The following CFAP54 variants were observed in gnomAD, a reference collection of about 807,000 sequenced individuals.
CFAP54 encodes the protein cilia- and flagella-associated protein 54.
A neutral mutation model predicts 370.4 loss-of-function variants in CFAP54; 290 were observed. The observed-to-expected ratio is 0.78, with a 90% CI of 0.71 to 0.86. The LOEUF (loss-of-function observed/expected upper bound fraction) is 0.86. Ranked by LOEUF, CFAP54 falls within the 40% of genes least tolerant of loss-of-function variation. CFAP54 has a pLI of 0.00. For synonymous variants in CFAP54, 1,206 were observed against 1,236.5 expected, an observed-to-expected ratio of 0.98 and a Z score of 0.52; for missense variants, 3,399 against 3,528.7, an observed-to-expected ratio of 0.96 and a Z score of 0.93.
At chr12:96,648,334 G>T (rs1271854944) in intron 34 of CFAP54, among the ~76,000 whole-genome samples, 1 of 152,148 alleles carries the variant, frequency 6.6e-6, no homozygotes, top group Non-Finnish European at 1.5e-5. Flanking sequence ...GATAGGTGAA[G>T]ACTTGCTATT....
intron 6 of CFAP54, among the ~76,000 whole-genome samples, chr12:96,520,424 G>T (rs900533646): frequency 6.6e-6 from 1 of 151,986 alleles, no homozygotes; most frequent in Non-Finnish European, 1.5e-5. Context: ...TGCACCTGTA[G>T]TCCCAGCTAC....
At chr12:96,573,049 A>G (rs1003641598) in intron 19 of CFAP54, 2 of 985,176 alleles carry the variant, frequency 2.0e-6, no homozygotes, top group African/African-American at 3.5e-5. Flanking sequence ...GTGGAGATGG[A>G]GGTCAAAGGC....
At chr12:96,719,067 T>G (rs1957718685) in intron 49 of CFAP54, among the ~76,000 whole-genome samples, 1 of 152,048 alleles carries the variant, frequency 6.6e-6, no homozygotes, top group South Asian at 2.1e-4. Flanking sequence ...GAAACATGAT[T>G]CATTATTTGG....
At chr12:96,630,039 G>A (rs1185408211) in intron 30 of CFAP54, 54 bp from the exon 31 acceptor site, 1 of 794,950 alleles carries the variant, frequency 1.3e-6, no homozygotes, top group Non-Finnish European at 1.9e-6. Context: ...TTACTTTGGG[G>A]TAGTTCTGCA....
At chr12:96,491,675 CTG>C (rs1212382100) in intron 1 of CFAP54, among the ~76,000 whole-genome samples, 1 of 152,162 alleles carries the variant, frequency 6.6e-6, no homozygotes, top group African/African-American at 2.4e-5. Flanking sequence ...GAATGATCAA[CTG>C]TGGCAAATTC....
chr12:96,639,730 C>A (rs1488278265), intron 32 of CFAP54, among the ~76,000 whole-genome samples: 1 of 152,122 alleles, frequency 6.6e-6, no homozygotes, highest in Non-Finnish European at 1.5e-5. Context: ...GCTTATCCAC[C>A]ATGATCAAGT....
intron 1 of CFAP54, among the ~76,000 whole-genome samples, chr12:96,490,980 C>CTTTT (rs71307527): frequency 6.7e-6 from 1 of 149,178 alleles, no homozygotes; most frequent in Non-Finnish European, 1.5e-5. Context: ...GCAATTTTAT[C>CTTTT]TTTTTTTTTT....
rs559646148 is a variant in CFAP54, at chr12:96,699,917, C to A, written c.6352-54C>A. 4.0e-5 allele frequency: 57 copies of A among 1,432,040 alleles called. 1 individual carries two copies. In the South Asian group the frequency reaches 6.4e-4, roughly 16 times the overall value. 88.7% of individuals were successfully genotyped at this position (1,432,040 alleles called of 1,614,324 possible). A position where few individuals can be genotyped will look rare whatever the true frequency, so the allele number is the denominator to read the frequency against. ...ACGATTTTCTCTATACTTTTGTTTT[C>A]TAAGTAAAACAAATTGTTTAATTAA... On this transcript the variant is annotated intron_variant, in intron 45 of 67. Coordinates refer to ENST00000524981, the MANE Select transcript of CFAP54 (RefSeq NM_001306084.2).
rs1307603759 is a variant in CFAP54, at chr12:96,580,708, C to A, written c.2889+19C>A. The A allele has an allele frequency of 7.1e-7, 1 of 1,417,450 alleles. No homozygotes were observed. The highest frequency in any genetic ancestry group is 9.5e-7 in the Non-Finnish European group (1 of 1,050,752). The allele number at this position is 1,417,450 out of a possible 1,614,324, so 87.8% of individuals were successfully genotyped here. ...AGAAGCGGTACGTCAAATTAAACAT[C>A]AGGAAATCTTACTGAAGCCTTTAAT... On this transcript the variant is annotated intron_variant, in intron 21 of 67. Coordinates refer to ENST00000524981, the MANE Select transcript of CFAP54 (RefSeq NM_001306084.2).
intron 14 of CFAP54, among the ~76,000 whole-genome samples, chr12:96,547,517 A>G (rs1021942996): frequency 6.6e-6 from 1 of 152,116 alleles, no homozygotes; most frequent in Non-Finnish European, 1.5e-5. Context: ...CTTATAGAAT[A>G]TAGAGAAAGA....
At chr12:96,854,268 G>A (rs1016150216) in intron 66 of CFAP54, among the ~76,000 whole-genome samples, 3 of 151,814 alleles carry the variant, frequency 2.0e-5, no homozygotes, top group Non-Finnish European at 2.9e-5. Context: ...TTAATAAACC[G>A]GTTAACATTA....
intron 60 of CFAP54, among the ~76,000 whole-genome samples, chr12:96,770,319 G>A (rs566716230): frequency 6.6e-6 from 1 of 152,156 alleles, no homozygotes; most frequent in East Asian, 1.9e-4. Flanking sequence ...GCCTGCCAGA[G>A]TCCAGAAACT....
chr12:96,572,968 G>A, intron 19 of CFAP54: 1 of 985,362 alleles, frequency 1.0e-6, no homozygotes, highest in South Asian at 4.7e-5. Flanking sequence ...TGTTCAATTG[G>A]TTCACTGAAT....
rs10492171 is a variant in CFAP54 at position 96,789,208 on chromosome 12, C to T, written c.8679+2310C>T. On this transcript the variant is annotated intron_variant, in intron 62 of 67. Coordinates refer to ENST00000524981, the MANE Select transcript of CFAP54 (RefSeq NM_001306084.2). ...GTGTTCACTTCCTGCAAACATTTTA[C>T]TCCCAGGAAGAAAGCGCAGAAATAG... 8.8e-3 allele frequency among the ~76,000 whole-genome samples: 1,343 copies of T among 152,238 alleles called. 31 individuals carry two copies. In the East Asian group the frequency reaches 0.11, roughly 13 times the overall value.
chr12:96,521,607 G>A (rs1222487116), intron 6 of CFAP54, among the ~76,000 whole-genome samples: 2 of 151,950 alleles, frequency 1.3e-5, no homozygotes, highest in African/African-American at 4.8e-5. Context: ...TCTGTATGGA[G>A]CTACTGTTTA....
chr12:96,518,662 G>T (rs1289861559), intron 5 of CFAP54, among the ~76,000 whole-genome samples: 1 of 152,140 alleles, frequency 6.6e-6, no homozygotes, highest in African/African-American at 2.4e-5. Flanking sequence ...CTCCAGCCTG[G>T]GTGACAGAGC....
intron 26 of CFAP54, among the ~76,000 whole-genome samples, chr12:96,600,585 C>G (rs1000867429): frequency 6.6e-6 from 1 of 152,098 alleles, no homozygotes; most frequent in Admixed American, 6.6e-5. Context: ...GGCAATATGG[C>G]CATTTTCACG....
chr12:96,502,490 A>C (rs1433965820), intron 2 of CFAP54, among the ~76,000 whole-genome samples: 3 of 151,988 alleles, frequency 2.0e-5, no homozygotes, highest in African/African-American at 7.2e-5. Flanking sequence ...AGTTGTAGTA[A>C]AGATCATCTT....
chr12:96,728,990 C>T (rs1174360103), intron 50 of CFAP54, among the ~76,000 whole-genome samples: 5 of 152,186 alleles, frequency 3.3e-5, no homozygotes, highest in East Asian at 1.9e-4. Flanking sequence ...TGTAGAACCG[C>T]GGATTTTCAT....
Sources: allele counts gnomAD v4.1 joint callset (sites outside exome capture counted in the v4.1 genomes callset), GRCh38; gene constraint gnomAD v4.1.1; transcripts MANE v1.5; gene names NCBI Gene and HGNC (gene_info 2026-07-23, HGNC 2026-07-21).